Variants in SLX4IP observed in about 807,000 individuals in gnomAD.
SLX4IP encodes SLX4 interacting protein, also known as protein SLX4IP.
SLX4IP carries 34 observed loss-of-function variants against 32.9 expected under a neutral mutation model. The observed-to-expected ratio is 1.03, with a 90% CI of 0.79 to 1.38. The LOEUF (loss-of-function observed/expected upper bound fraction) is 1.38. SLX4IP is among the 40% of genes most tolerant of loss of function. The pLI, the probability that SLX4IP is intolerant of heterozygous loss-of-function variation, is 0.00. For missense variants in SLX4IP, 444 were observed against 479.0 expected (o/e 0.93, Z 0.68); for synonymous variants, 172 against 171.7 (o/e 1.00, Z -0.01).
chr20:10,585,394 G>A (rs181517485), intron 4 of SLX4IP, among the ~76,000 whole-genome samples: 16 of 151,764 alleles, frequency 1.1e-4, no homozygotes, highest in African/African-American at 3.9e-4. Context: ...GCTGACTCTT[G>A]AGAGTGGTCC....
chr20:10,598,442 T>C (rs1415395650), intron 4 of SLX4IP, among the ~76,000 whole-genome samples: 1 of 152,176 alleles, frequency 6.6e-6, no homozygotes, highest in Non-Finnish European at 1.5e-5. Flanking sequence ...TTTTGTATTT[T>C]TAATAGAGAC....
At chr20:10,515,078 G>GTTT (rs1568718042) in intron 2 of SLX4IP, among the ~76,000 whole-genome samples, 1 of 113,472 alleles carries the variant, frequency 8.8e-6, no homozygotes. Context: ...GTAAGTTGAA[G>GTTT]CTTTTTTTTT....
chr20:10,466,857 A>T (rs1009687079), intron 2 of SLX4IP, among the ~76,000 whole-genome samples: 4 of 41,130 alleles, frequency 9.7e-5, no homozygotes, highest in African/African-American at 2.1e-4. Context: ...AGATTTTATT[A>T]AAAAAAAAAG....
intron 4 of SLX4IP, among the ~76,000 whole-genome samples, chr20:10,597,931 A>G (rs1287128467): frequency 6.6e-6 from 1 of 152,162 alleles, no homozygotes; most frequent in African/African-American, 2.4e-5. Context: ...ATTTCTTTTA[A>G]TCTCATTCTA....
Position 10,623,089 on chromosome 20 carries a change from C to G in SLX4IP, c.937C>G (p.Leu313Val). 1 of 1,614,142 alleles carries G rather than the reference C, an allele frequency of 6.2e-7. No individual in the cohort carries two copies. The change falls in exon 8 of 8, where the codon CTT becomes GTT. Residue 313 changes from leucine (L) to valine (V), a missense_variant. Transcript: ENST00000334534. ...EDFDHHGRVS[L>V]GSDRLVPREI... ...CTTCGACCACCACGGGAGAGTTTCT[C>G]TTGGAAGTGATCGATTAGTCCCGAG...
intron 2 of SLX4IP, among the ~76,000 whole-genome samples, chr20:10,547,630 AT>A: frequency 6.6e-6 from 1 of 152,326 alleles, no homozygotes; most frequent in East Asian, 1.9e-4. Flanking sequence ...AGCCATTCCA[AT>A]TCACGAGTGA....
chr20:10,566,311 T>TG (rs1855884919), intron 4 of SLX4IP, among the ~76,000 whole-genome samples: 1 of 121,158 alleles, frequency 8.3e-6, no homozygotes, highest in African/African-American at 2.9e-5. Context: ...TTTTTTTTTT[T>TG]GTCTATATAC....
intron 1 of SLX4IP, among the ~76,000 whole-genome samples, chr20:10,442,435 G>GTCTC (rs2065166810): frequency 1.3e-5 from 2 of 152,212 alleles, no homozygotes; most frequent in Non-Finnish European, 2.9e-5. Context: ...CCCTATCAAA[G>GTCTC]TCTCCTCTTT....
chr20:10,518,205 T>G (rs957479060), intron 2 of SLX4IP, among the ~76,000 whole-genome samples: 2 of 152,196 alleles, frequency 1.3e-5, no homozygotes, highest in Non-Finnish European at 2.9e-5. Context: ...TTTAGAAAAG[T>G]TAATGTTCTG....
In SLX4IP at chr20:10,625,740, A is replaced by G. The variant is rs999367634; in HGVS notation, c.*2361A>G. 4 of 152,196 alleles carry G rather than the reference A, an allele frequency of 2.6e-5. No individual in the cohort carries two copies. The highest frequency in any genetic ancestry group is 5.9e-5 in the Non-Finnish European group (4 of 68,044). The allele number at this position is 152,196 out of a possible 1,614,324, so 9.4% of individuals were successfully genotyped here. ...TTCCTCACAGCCCTCACGTCCCTTC[A>G]TGTAAAAGGGATTTTAACAGGATTT... On this transcript the variant is annotated 3_prime_UTR_variant, in exon 8 of 8. Coordinates refer to ENST00000334534, the MANE Select transcript of SLX4IP (RefSeq NM_001009608.3).
chr20:10,455,371 A>G (rs963363253), intron 1 of SLX4IP, among the ~76,000 whole-genome samples: 3 of 152,088 alleles, frequency 2.0e-5, no homozygotes, highest in African/African-American at 4.8e-5. Flanking sequence ...ATTTAGGTCT[A>G]TGATCCATTT....
At chr20:10,531,821 G>A (rs2065991499) in intron 2 of SLX4IP, among the ~76,000 whole-genome samples, 1 of 152,196 alleles carries the variant, frequency 6.6e-6, no homozygotes, top group Admixed American at 6.5e-5. Flanking sequence ...TTCTAGCAGA[G>A]AGAACAGCAG....
At chr20:10,577,600 A>G (rs148521272) in intron 4 of SLX4IP, among the ~76,000 whole-genome samples, 96 of 152,348 alleles carry the variant, frequency 6.3e-4, no homozygotes, top group African/African-American at 2.3e-3. Context: ...ACGTACCTCT[A>G]GTCCTAGCTG....
chr20:10,518,079 G>A (rs2065864682), intron 2 of SLX4IP, among the ~76,000 whole-genome samples: 1 of 152,110 alleles, frequency 6.6e-6, no homozygotes, highest in Non-Finnish European at 1.5e-5. Flanking sequence ...TAACACCTAG[G>A]TGTTGGGTTG....
intron 2 of SLX4IP, among the ~76,000 whole-genome samples, chr20:10,462,236 A>G (rs1279988027): frequency 1.3e-5 from 2 of 152,208 alleles, no homozygotes; most frequent in Non-Finnish European, 1.5e-5. Context: ...TTGGAGTTCT[A>G]GAAAGAAAAA....
intron 2 of SLX4IP, among the ~76,000 whole-genome samples, chr20:10,516,180 G>T (rs182804624): frequency 1.5e-3 from 234 of 152,306 alleles, no homozygotes; most frequent in African/African-American, 5.4e-3. Context: ...GAGCCTCCAT[G>T]CCTGGCCTCG....
At chr20:10,521,954 A>G (rs1026398732) in intron 2 of SLX4IP, among the ~76,000 whole-genome samples, 23 of 152,194 alleles carry the variant, frequency 1.5e-4, no homozygotes, top group African/African-American at 5.3e-4. Flanking sequence ...TCAATCCATA[A>G]TTAGTAGAGA....
intron 4 of SLX4IP, among the ~76,000 whole-genome samples, chr20:10,582,520 A>G (rs543737075): frequency 1.3e-5 from 2 of 152,150 alleles, no homozygotes; most frequent in Non-Finnish European, 2.9e-5. Context: ...TTTCTATTCC[A>G]TGCTTAACGG....
At chr20:10,547,381 A>G (rs1292320004) in intron 2 of SLX4IP, among the ~76,000 whole-genome samples, 3 of 152,226 alleles carry the variant, frequency 2.0e-5, no homozygotes. Flanking sequence ...ACCTGTAGTC[A>G]GAGGTCCCAC....
Sources: allele counts gnomAD v4.1 joint callset (sites outside exome capture counted in the v4.1 genomes callset), GRCh38; gene constraint gnomAD v4.1.1; transcripts MANE v1.5; gene names NCBI Gene and HGNC (gene_info 2026-07-23, HGNC 2026-07-21).